Variants in MSRA observed in about 807,000 individuals in gnomAD.
The protein encoded by MSRA is mitochondrial peptide methionine sulfoxide reductase.
In MSRA, 54 loss-of-function variants were observed where a neutral mutation model predicts 31.3. The ratio of observed to expected loss-of-function variants is 1.73; its 90% CI spans 1.39 to 2.17. The LOEUF (loss-of-function observed/expected upper bound fraction) is 2.17. Ranked by LOEUF, MSRA falls within the 30% of genes most tolerant of loss-of-function variation. The probability of loss-of-function intolerance (pLI) is 0.00; values close to 1 mark genes in which losing one functional copy is unlikely to be tolerated. For missense variants in MSRA, 507 were observed against 300.9 expected, an observed-to-expected ratio of 1.69 and a Z score of -5.07; for synonymous variants, 169 against 116.5, an observed-to-expected ratio of 1.45 and a Z score of -2.90.
At chr8:10,362,972 C>G (rs774403956) in intron 5 of MSRA, among the ~76,000 whole-genome samples, 9 of 152,170 alleles carry the variant, frequency 5.9e-5, no homozygotes, top group Non-Finnish European at 1.2e-4. Flanking sequence ...TTTGCAGCAT[C>G]TTGGGGAACA....
intron 5 of MSRA, among the ~76,000 whole-genome samples, chr8:10,328,547 C>A (rs1227550670): frequency 6.6e-6 from 1 of 152,082 alleles, no homozygotes; most frequent in South Asian, 2.1e-4. Context: ...CCTCAGTGTA[C>A]CTCGGGTCAT....
intron 1 of MSRA, among the ~76,000 whole-genome samples, chr8:10,199,287 A>G (rs1458393080): frequency 6.6e-6 from 1 of 152,084 alleles, no homozygotes; most frequent in African/African-American, 2.4e-5. Context: ...GGCTCACCCT[A>G]GGCCGGTAGG....
intron 1 of MSRA, among the ~76,000 whole-genome samples, chr8:10,133,450 C>T (rs1359623885): frequency 1.3e-5 from 2 of 152,140 alleles, no homozygotes; most frequent in Non-Finnish European, 2.9e-5. Context: ...AGGCCGTGGG[C>T]ACAAATAAGG....
chr8:10,060,422 A>T (rs7003301), intron 1 of MSRA, among the ~76,000 whole-genome samples: 116,896 of 152,128 alleles, frequency 0.77, 45,248 homozygotes, highest in Middle Eastern at 0.81. Context: ...ATGTATAGAG[A>T]AACTTTGAAA....
intron 5 of MSRA, among the ~76,000 whole-genome samples, chr8:10,333,887 C>T (rs985028505): frequency 6.6e-6 from 1 of 152,164 alleles, no homozygotes; most frequent in African/African-American, 2.4e-5. Context: ...ACAAGGCAGG[C>T]ACTCTGTGAA....
intron 1 of MSRA, among the ~76,000 whole-genome samples, chr8:10,146,701 G>A (rs1325380636): frequency 2.6e-5 from 4 of 152,044 alleles, no homozygotes; most frequent in African/African-American, 9.7e-5. Flanking sequence ...TCTCAGTGAA[G>A]GTGTTATTTT....
intron 5 of MSRA, among the ~76,000 whole-genome samples, chr8:10,363,217 A>T (rs1405669596): frequency 1.3e-5 from 2 of 152,176 alleles, no homozygotes; most frequent in African/African-American, 4.8e-5. Flanking sequence ...TGGGAGAGCG[A>T]TCCTGATCCA....
intron 1 of MSRA, among the ~76,000 whole-genome samples, chr8:10,200,788 A>G (rs964311705): frequency 3.3e-5 from 5 of 152,198 alleles, no homozygotes; most frequent in Non-Finnish European, 7.3e-5. Context: ...AAACACAACC[A>G]GAACCTCAGT....
chr8:10,183,538 G>T (rs780929839), intron 1 of MSRA, among the ~76,000 whole-genome samples: 1 of 152,134 alleles, frequency 6.6e-6, no homozygotes, highest in Admixed American at 6.5e-5. Flanking sequence ...TGAAGAAGTG[G>T]CGGTCAAGGC....
At chr8:10,221,445 C>CAT (rs972517803) in intron 2 of MSRA, among the ~76,000 whole-genome samples, 5 of 101,176 alleles carry the variant, frequency 4.9e-5, no homozygotes, top group African/African-American at 8.9e-5. Flanking sequence ...TGTATATATA[C>CAT]ATATATATAT....
At chr8:10,085,873 C>G (rs188558821) in intron 1 of MSRA, among the ~76,000 whole-genome samples, 2 of 152,314 alleles carry the variant, frequency 1.3e-5, no homozygotes, top group African/African-American at 4.8e-5. Context: ...GGCTTTTCCA[C>G]CTAGCATAGT....
intron 3 of MSRA, among the ~76,000 whole-genome samples, chr8:10,253,069 G>A (rs1797999840): frequency 6.6e-6 from 1 of 152,168 alleles, no homozygotes; most frequent in South Asian, 2.1e-4. Context: ...CATCAGAGAG[G>A]GTGAGGATTT....
chr8:10,240,281 C>T (rs1812294653), intron 2 of MSRA, among the ~76,000 whole-genome samples: 1 of 152,110 alleles, frequency 6.6e-6, no homozygotes, highest in African/African-American at 2.4e-5. Context: ...CTGTTGCTGG[C>T]CATTTGGACA....
intron 1 of MSRA, among the ~76,000 whole-genome samples, chr8:10,071,875 A>G (rs181543449): frequency 1.6e-4 from 24 of 152,278 alleles, no homozygotes; most frequent in Non-Finnish European, 3.4e-4. Context: ...CTCCAAGGAA[A>G]ACACAACACA....
chr8:10,269,595 A>T (rs542088372), intron 3 of MSRA, among the ~76,000 whole-genome samples: 3 of 152,302 alleles, frequency 2.0e-5, no homozygotes, highest in African/African-American at 4.8e-5. Flanking sequence ...TTTGGACATC[A>T]GCTTTGCTGC....
At chr8:10,271,055 GTTCT>G (rs1310340363) in intron 3 of MSRA, among the ~76,000 whole-genome samples, 2 of 141,028 alleles carry the variant, frequency 1.4e-5, no homozygotes, top group African/African-American at 2.6e-5. Flanking sequence ...TCATGTTTGA[GTTCT>G]TTCTTCTTTT....
chr8:10,114,402 G>A (rs556770961), intron 1 of MSRA, among the ~76,000 whole-genome samples: 2 of 152,284 alleles, frequency 1.3e-5, no homozygotes, highest in South Asian at 4.1e-4. Context: ...ACTTTTTGAA[G>A]AATGTCCAAA....
At chr8:10,307,168 CAT>C (rs1491187053) in intron 4 of MSRA, among the ~76,000 whole-genome samples, 1 of 65,066 alleles carries the variant, frequency 1.5e-5, no homozygotes, top group African/African-American at 5.7e-5. Context: ...TAAGGATGCA[CAT>C]TTTTTTTTTT....
At chr8:10,313,944 A>G (rs1801576426) in intron 4 of MSRA, among the ~76,000 whole-genome samples, 1 of 152,226 alleles carries the variant, frequency 6.6e-6, no homozygotes, top group Non-Finnish European at 1.5e-5. Flanking sequence ...TAGTGATAAG[A>G]TAATTTTCTT....
Sources: allele counts gnomAD v4.1 joint callset (sites outside exome capture counted in the v4.1 genomes callset), GRCh38; gene constraint gnomAD v4.1.1; transcripts MANE v1.5; gene names NCBI Gene and HGNC (gene_info 2026-07-23, HGNC 2026-07-21).